PDE1A: variants seen among roughly 807,000 people sequenced by gnomAD.
PDE1A encodes dual specificity calcium/calmodulin-dependent 3',5'-cyclic nucleotide phosphodiesterase 1A.
A neutral mutation model predicts 61.7 loss-of-function variants in PDE1A; 35 were observed. The observed-to-expected ratio is 0.57, with a 90% CI of 0.43 to 0.75. The LOEUF is 0.75. PDE1A is among the 30% of genes least tolerant of loss of function. The pLI, the probability that PDE1A is intolerant of heterozygous loss-of-function variation, is 0.00. For synonymous variants in PDE1A, 232 were observed against 213.2 expected (o/e 1.09, Z -0.77); for missense variants, 597 against 630.6 (o/e 0.95, Z 0.57).
At chr2:182,261,191 A>G (rs1328396240) in intron 2 of PDE1A, among the ~76,000 whole-genome samples, 1 of 152,198 alleles carries the variant, frequency 6.6e-6, no homozygotes, top group African/African-American at 2.4e-5. Context: ...TTTTATAGGA[A>G]TACTCTGAGA....
the PDE1A span, among the ~76,000 whole-genome samples, chr2:182,694,619 C>T: frequency 6.6e-6 from 1 of 152,152 alleles, no homozygotes; most frequent in South Asian, 2.1e-4. Flanking sequence ...AAGAACACAT[C>T]TGTGTTAGAA....
At chr2:182,415,139 C>A (rs1383932693) in intron 1 of PDE1A, among the ~76,000 whole-genome samples, 1 of 151,992 alleles carries the variant, frequency 6.6e-6, no homozygotes, top group Non-Finnish European at 1.5e-5. Context: ...AATATATTGC[C>A]TTCAATAAAG....
At chr2:182,314,896 T>A (rs1390487584) in intron 1 of PDE1A, among the ~76,000 whole-genome samples, 29 of 152,186 alleles carry the variant, frequency 1.9e-4, no homozygotes, top group Admixed American at 1.9e-3. Context: ...AAATTATATT[T>A]ATTCAGTTAG....
At chr2:182,568,809 C>A in the PDE1A span, among the ~76,000 whole-genome samples, 5 of 151,608 alleles carry the variant, frequency 3.3e-5, no homozygotes, top group Admixed American at 3.3e-4. Flanking sequence ...GGCTTAGAAA[C>A]TTTTTCTTGA....
intron 1 of PDE1A, among the ~76,000 whole-genome samples, chr2:182,277,692 T>C (rs1392321045): frequency 6.6e-6 from 1 of 152,106 alleles, no homozygotes; most frequent in Non-Finnish European, 1.5e-5. Context: ...AGATCCTTGC[T>C]AGAGAGCTAC....
In PDE1A at chr2:182,419,706, A is replaced by G. The variant is rs114069527; in HGVS notation, c.53+6872T>C. 9.9e-3 allele frequency among the ~76,000 whole-genome samples: 1,503 copies of G among 152,120 alleles called. 26 individuals are homozygous for G. The highest frequency in any genetic ancestry group is 0.034 in the African/African-American group (1,420 of 41,532). On this transcript the variant is annotated intron_variant, in intron 1 of 13. Transcript: ENST00000351439. ...CATTCATTCATTCATTTCAAGGGGC[A>G]CCAGCTAGCAGTCTGCAGCTAGATC... is the stretch of plus-strand genomic sequence containing the variant.
At chr2:182,568,875 C>T in the PDE1A span, among the ~76,000 whole-genome samples, 5 of 151,976 alleles carry the variant, frequency 3.3e-5, no homozygotes, top group African/African-American at 9.7e-5. Context: ...CACGGTGGCT[C>T]ACACCTGTAA....
At chr2:182,221,885 T>C (rs188509574) in intron 7 of PDE1A, among the ~76,000 whole-genome samples, 2 of 152,172 alleles carry the variant, frequency 1.3e-5, no homozygotes, top group Admixed American at 6.6e-5. Context: ...TCATTTTCTA[T>C]TTTTAGATGA....
At chr2:182,604,669 A>G in the PDE1A span, among the ~76,000 whole-genome samples, 3 of 152,230 alleles carry the variant, frequency 2.0e-5, no homozygotes, top group African/African-American at 7.2e-5. Flanking sequence ...ACTACTGATT[A>G]ATTTTAATTT....
intron 1 of PDE1A, among the ~76,000 whole-genome samples, chr2:182,281,250 CA>C (rs1259234471): frequency 4.0e-5 from 6 of 151,790 alleles, no homozygotes; most frequent in Admixed American, 2.6e-4. Context: ...GATATTCTGT[CA>C]AGTTCTATAA....
intron 1 of PDE1A, among the ~76,000 whole-genome samples, chr2:182,284,981 C>G (rs1333227275): frequency 1.3e-5 from 2 of 152,100 alleles, no homozygotes; most frequent in Non-Finnish European, 2.9e-5. Context: ...TAGCCATGCA[C>G]TTTTAACCAA....
chr2:182,664,785 C>A, the PDE1A span, among the ~76,000 whole-genome samples: 9 of 152,222 alleles, frequency 5.9e-5, no homozygotes, highest in Admixed American at 5.2e-4. Flanking sequence ...TCAAAAATAT[C>A]AAAGGCTTCA....
intron 10 of PDE1A, among the ~76,000 whole-genome samples, chr2:182,189,922 G>T (rs1373657123): frequency 1.3e-5 from 2 of 152,038 alleles, no homozygotes; most frequent in South Asian, 2.1e-4. Context: ...AACATTTTAG[G>T]TTCTATTTTC....
At chr2:182,542,099 T>C in the PDE1A span, among the ~76,000 whole-genome samples, 3,406 of 152,264 alleles carry the variant, frequency 0.022, 122 homozygotes, top group African/African-American at 0.077. Context: ...TTTTATGTGA[T>C]TATAAAATAC....
Position 182,374,997 on chromosome 2 carries a change from C to T in PDE1A, c.53+51581G>A, listed in dbSNP as rs189675451. ...GAAACCCCTCATAAAACCAACAGAT[C>T]TCGTGAGACTTATTCACTACCATGA... is the stretch of plus-strand genomic sequence containing the variant. On this transcript the variant is annotated intron_variant, in intron 1 of 13. Coordinates refer to ENST00000351439, the Ensembl canonical transcript of PDE1A. 1.8e-3 allele frequency among the ~76,000 whole-genome samples: 268 copies of T among 152,296 alleles called. 1 individual carries two copies. Among genetic ancestry groups the T allele is most frequent in the African/African-American group, 6.3e-3 (262 of 41,558 alleles).
intron 1 of PDE1A, among the ~76,000 whole-genome samples, chr2:182,344,769 CAT>C (rs1027018270): frequency 7.0e-5 from 10 of 143,316 alleles, no homozygotes; most frequent in African/African-American, 1.8e-4. Flanking sequence ...CACACACACA[CAT>C]ACACAGTGTG....
At chr2:182,642,311 T>C in the PDE1A span, among the ~76,000 whole-genome samples, 1 of 152,180 alleles carries the variant, frequency 6.6e-6, no homozygotes, top group Non-Finnish European at 1.5e-5. Context: ...TCCTGTTAAA[T>C]CCAGGAATTT....
At chr2:182,163,484 G>C (rs1203845171), downstream of PDE1A, among the ~76,000 whole-genome samples, 3 of 152,276 alleles carry the variant, frequency 2.0e-5, no homozygotes, top group East Asian at 5.8e-4. Flanking sequence ...TGAGCAAGAA[G>C]TAACAACCAC....
intron 2 of PDE1A, among the ~76,000 whole-genome samples, chr2:182,519,596 A>C (rs1690435375): frequency 1.3e-5 from 2 of 151,972 alleles, no homozygotes; most frequent in Admixed American, 6.6e-5. Flanking sequence ...ATTTAGAAGA[A>C]GCTCAATAAA....
Sources: allele counts gnomAD v4.1 joint callset (sites outside exome capture counted in the v4.1 genomes callset), GRCh38; gene constraint gnomAD v4.1.1; transcripts MANE v1.5; gene names NCBI Gene and HGNC (gene_info 2026-07-23, HGNC 2026-07-21).